The following KCNH7 variants were observed in gnomAD, a reference collection of about 807,000 sequenced individuals.
The protein encoded by KCNH7 is potassium voltage-gated channel subfamily H member 7.
A neutral mutation model predicts 120.8 loss-of-function variants in KCNH7; 49 were observed. That is an observed-to-expected ratio of 0.41 (90% CI 0.32 to 0.51). KCNH7 has a LOEUF of 0.51. KCNH7 is among the 20% of genes least tolerant of loss of function. KCNH7 has a pLI of 0.38. For synonymous variants in KCNH7, 547 were observed against 516.1 expected (o/e 1.06, Z -0.81); for missense variants, 1,097 against 1,446.6 (o/e 0.76, Z 3.92).
At chr2:162,410,280 T>C (rs1687346508) in intron 9 of KCNH7, among the ~76,000 whole-genome samples, 1 of 151,946 alleles carries the variant, frequency 6.6e-6, no homozygotes, top group Non-Finnish European at 1.5e-5. Context: ...GCCACACACA[T>C]ACAGCCACCT....
rs146533079 is a variant in KCNH7 at position 162,523,862 on chromosome 2, A to G, written c.464-5704T>C. On this transcript the variant is annotated intron_variant, in intron 3 of 15. Coordinates refer to ENST00000332142, the MANE Select transcript of KCNH7 (RefSeq NM_033272.4). ...GTCATATTTTTACTGCAAAAACCCAATTAAATATAATTAGAAGCAGTTTTA... is the reference window on the plus strand; with the variant it reads ...GTCATATTTTTACTGCAAAAACCCAGTTAAATATAATTAGAAGCAGTTTTA... Among the ~76,000 whole-genome samples the G allele has an allele frequency of 2.8e-4, 43 of 152,020 alleles. No individual in the cohort carries two copies. The East Asian group carries it at 5.9e-3, about 21-fold the overall frequency.
At chr2:162,529,637 C>T (rs908381132) in intron 3 of KCNH7, among the ~76,000 whole-genome samples, 4 of 151,904 alleles carry the variant, frequency 2.6e-5, no homozygotes, top group African/African-American at 7.2e-5. Context: ...GCATTAATCA[C>T]GTAAACAAGA....
intron 2 of KCNH7, among the ~76,000 whole-genome samples, chr2:162,549,337 T>C (rs973264602): frequency 8.5e-5 from 13 of 152,322 alleles, no homozygotes; most frequent in African/African-American, 2.9e-4. Flanking sequence ...GTTAATTCCA[T>C]CAGCTGAAGG....
chr2:162,417,666 A>T (rs971023635), intron 9 of KCNH7, among the ~76,000 whole-genome samples: 4 of 152,150 alleles, frequency 2.6e-5, no homozygotes, highest in African/African-American at 7.2e-5. Flanking sequence ...TTGACTTAAG[A>T]TGGGCTAAAG....
chr2:162,469,933 T>C (rs1317408805), intron 6 of KCNH7, among the ~76,000 whole-genome samples: 2 of 152,230 alleles, frequency 1.3e-5, no homozygotes, highest in African/African-American at 2.4e-5. Context: ...GGTCTCCAGC[T>C]CCTGACCGCG....
Position 162,394,431 on chromosome 2 carries a change from G to T in KCNH7, c.2668C>A (p.Leu890Ile), listed in dbSNP as rs776328296. 6.2e-7 allele frequency: 1 copy of T among 1,606,736 alleles called. No homozygotes were observed. Among genetic ancestry groups the T allele is most frequent in the Admixed American group, 1.7e-5 (1 of 59,708 alleles). ...TCAAATGACAATTTCCTTCTTCTTA[G>T]TTTACAGTTGTCTCCTTCTGAATCA... ...MNDSEGDNCKLRRRKLSFESE... is the reference protein window; with the variant it reads ...MNDSEGDNCKIRRRKLSFESE... The change falls in exon 12 of 16, where the codon CTA (leucine) becomes ATA (isoleucine). Residue 890 changes from leucine to isoleucine, a missense_variant. By Grantham distance (5) the Leu-to-Ile change is conservative. Coordinates refer to ENST00000332142, the MANE Select transcript of KCNH7 (RefSeq NM_033272.4).
At chr2:162,472,918 G>A (rs1689603512) in intron 6 of KCNH7, among the ~76,000 whole-genome samples, 2 of 152,198 alleles carry the variant, frequency 1.3e-5, no homozygotes, top group South Asian at 4.1e-4. Flanking sequence ...CATGTCCTTT[G>A]TAGGGACATG....
chr2:162,721,012 A>T (rs1394735469), intron 2 of KCNH7, among the ~76,000 whole-genome samples: 2 of 152,128 alleles, frequency 1.3e-5, no homozygotes, highest in African/African-American at 2.4e-5. Context: ...CGGTGCTTGC[A>T]GATTTCTGAG....
intron 2 of KCNH7, among the ~76,000 whole-genome samples, chr2:162,747,019 A>G (rs1447255808): frequency 6.6e-6 from 1 of 152,172 alleles, no homozygotes; most frequent in East Asian, 1.9e-4. Flanking sequence ...AAGAAGAAAA[A>G]AAGTATGAAA....
intron 2 of KCNH7, among the ~76,000 whole-genome samples, chr2:162,798,797 A>AT (rs546692389): frequency 2.2e-4 from 34 of 151,472 alleles, no homozygotes; most frequent in Admixed American, 2.0e-3. Flanking sequence ...TTTTACACTA[A>AT]TTTTTTTCCT....
Position 162,504,548 on chromosome 2 carries a change from C to T in KCNH7, c.1023G>A (p.Glu341=). 1 of 1,612,676 alleles carries T rather than the reference C, an allele frequency of 6.2e-7. No homozygotes were observed. Among genetic ancestry groups the T allele is most frequent in the Non-Finnish European group, 8.5e-7 (1 of 1,179,090 alleles). ...KIPQLTLNFS[E]VKTEKKNSSP... ...ATGAATTCTTTTTCTCAGTTTTGAC[C>T]TCTGAAAAATTCAGAGTGAGCTGTG... Residue 341 remains glutamate (E), a synonymous_variant, in exon 6 of 16, where the codon GAG becomes GAA. Coordinates refer to ENST00000332142, the MANE Select transcript of KCNH7 (RefSeq NM_033272.4).
At chr2:162,615,409 A>T (rs542046328) in intron 2 of KCNH7, among the ~76,000 whole-genome samples, 1 of 152,350 alleles carries the variant, frequency 6.6e-6, no homozygotes, top group Admixed American at 6.5e-5. Flanking sequence ...ATAAAGGACA[A>T]GACATTAAAA....
intron 2 of KCNH7, among the ~76,000 whole-genome samples, chr2:162,835,313 A>C (rs1310333889): frequency 6.6e-6 from 1 of 152,100 alleles, no homozygotes; most frequent in Non-Finnish European, 1.5e-5. Flanking sequence ...AGAATTGTAC[A>C]TTGTACATTG....
chr2:162,469,851 C>A (rs775362524), intron 6 of KCNH7, among the ~76,000 whole-genome samples: 26 of 152,090 alleles, frequency 1.7e-4, no homozygotes, highest in African/African-American at 6.3e-4. Context: ...CGATTGCAGG[C>A]GCGCGCCGCC....
intron 2 of KCNH7, among the ~76,000 whole-genome samples, chr2:162,539,337 A>G (rs1455839384): frequency 6.6e-6 from 1 of 152,094 alleles, no homozygotes; most frequent in Admixed American, 6.6e-5. Flanking sequence ...TTAGAATATC[A>G]TTGTGAATTC....
At chr2:162,668,357 CTA>C (rs1233832467) in intron 2 of KCNH7, among the ~76,000 whole-genome samples, 1 of 152,158 alleles carries the variant, frequency 6.6e-6, no homozygotes, top group Non-Finnish European at 1.5e-5. Flanking sequence ...CCTCAAGAGA[CTA>C]TGCTTCCAGT....
chr2:162,714,351 G>A (rs747683012), intron 2 of KCNH7, among the ~76,000 whole-genome samples: 22 of 152,258 alleles, frequency 1.4e-4, no homozygotes, highest in Admixed American at 2.6e-4. Flanking sequence ...AAGGAGTACA[G>A]GGATAGCCAG....
chr2:162,445,984 C>T (rs1386575110), intron 7 of KCNH7, 34 bp downstream of exon 7: 1 of 1,509,472 alleles, frequency 6.6e-7, no homozygotes, highest in East Asian at 2.3e-5. Context: ...TAATTGCAAT[C>T]TTTCAGAAAA....
At chr2:162,632,089 C>G (rs1220889099) in intron 2 of KCNH7, among the ~76,000 whole-genome samples, 3 of 151,672 alleles carry the variant, frequency 2.0e-5, no homozygotes, top group African/African-American at 7.3e-5. Flanking sequence ...AAAAAGCTGC[C>G]CGTATTTGGA....
Sources: allele counts gnomAD v4.1 joint callset (sites outside exome capture counted in the v4.1 genomes callset), GRCh38; gene constraint gnomAD v4.1.1; transcripts MANE v1.5; gene names NCBI Gene and HGNC (gene_info 2026-07-23, HGNC 2026-07-21).